Variants in MORC4 observed in about 807,000 individuals in gnomAD.
The protein encoded by MORC4 is MORC family CW-type zinc finger 4.
A neutral mutation model predicts 65.5 loss-of-function variants in MORC4; 22 were observed. That is an observed-to-expected ratio of 0.34 (90% CI 0.24 to 0.48). The LOEUF is 0.48. MORC4 is among the 20% of genes least tolerant of loss of function. MORC4 has a pLI of 0.99. For missense variants in MORC4, 624 were observed against 703.0 expected (o/e 0.89, Z 1.27); for synonymous variants, 267 against 255.8 (o/e 1.04, Z -0.42).
chrX:106,995,920 C>T (rs1276633638), intron 2 of MORC4, among the ~76,000 whole-genome samples: 1 of 112,543 alleles, frequency 8.9e-6, no homozygotes, highest in African/African-American at 3.2e-5. Flanking sequence ...GACACTCCTG[C>T]TGGCAGACAA....
At chrX:106,993,509 T>C in intron 2 of MORC4, 147 bp from the exon 3 acceptor site, 1 of 492,727 alleles carries the variant, frequency 2.0e-6, no homozygotes, top group South Asian at 5.6e-5. Flanking sequence ...TTAACGGTAG[T>C]GCACTTACTA....
chrX:106,973,930 C>T (rs374024952), intron 9 of MORC4, among the ~76,000 whole-genome samples: 4 of 111,998 alleles, frequency 3.6e-5, no homozygotes, highest in East Asian at 2.8e-4. Flanking sequence ...ACCTACAGCA[C>T]GCTACGACAG....
chrX:106,989,979 G>A (rs1602507944), intron 3 of MORC4, among the ~76,000 whole-genome samples: 1 of 106,852 alleles, frequency 9.4e-6, no homozygotes, highest in Middle Eastern at 5.1e-3. Context: ...CAAGGTCAAG[G>A]GATGGAGACC....
chrX:106,973,926 A>G (rs1021398331), intron 9 of MORC4, among the ~76,000 whole-genome samples: 2 of 112,227 alleles, frequency 1.8e-5, no homozygotes, highest in Non-Finnish European at 3.8e-5. Context: ...TCCAACCTAC[A>G]GCACGCTACG....
rs1023028619 is a variant in MORC4, at chrX:106,955,014, C to T, written c.1584G>A (p.Glu528=). The T allele has an allele frequency of 1.7e-6, 2 of 1,203,357 alleles. No homozygotes were observed. Among genetic ancestry groups the T allele is most frequent in the Non-Finnish European group, 2.2e-6 (2 of 889,902 alleles). The change falls in exon 14 of 17, where the codon GAG becomes GAA. Residue 528 remains glutamate, a synonymous_variant. Coordinates refer to ENST00000355610, the MANE Select transcript of MORC4 (RefSeq NM_024657.5). ...AGLNNKTIGY[E]GIHSPSVLPS... ...GAAGCACACTAGGGCTATGAATTCC[C>T]TCATATCCAATTGTCTTGTTATTCA...
chrX:106,950,761 C>T (rs1046299284), intron 14 of MORC4, among the ~76,000 whole-genome samples: 6 of 111,677 alleles, frequency 5.4e-5, no homozygotes, highest in Admixed American at 9.5e-5. Context: ...GCCTGCTCCT[C>T]CCAGGTAAAA....
intron 5 of MORC4, 21 bp downstream of exon 5, chrX:106,985,075 A>G (rs764507842): frequency 2.6e-6 from 3 of 1,132,492 alleles, no homozygotes; most frequent in Non-Finnish European, 3.5e-6. Flanking sequence ...ATTAGAATCT[A>G]TCACCCTTGG....
chrX:106,941,374 G>C lies in MORC4; in HGVS notation c.*105C>G. The C allele has an allele frequency of 1.3e-5, 1 of 79,020 alleles. No individual in the cohort carries two copies. The highest frequency in any genetic ancestry group is 1.9e-5 in the Non-Finnish European group (1 of 53,534). The allele number at this position is 79,020 out of a possible 1,213,427, so 6.5% of individuals were successfully genotyped here. A position where few individuals can be genotyped will look rare whatever the true frequency, so the allele number is the denominator to read the frequency against. On this transcript the variant is annotated 3_prime_UTR_variant, in exon 17 of 17. Transcript: ENST00000355610. The stretch of plus-strand genomic sequence containing the variant: ...ATATAAGGCATAAAGGTGAGGGTGA[G>C]AGAGAGAGAGAGAGAGAGAGAGAGA...
At chrX:106,994,582 T>C (rs771844612) in intron 2 of MORC4, among the ~76,000 whole-genome samples, 11 of 112,161 alleles carry the variant, frequency 9.8e-5, no homozygotes, top group Admixed American at 2.8e-4. Context: ...ATTAATGATA[T>C]CAGTTACAGC....
Position 106,983,432 on chromosome X carries a change from C to A in MORC4, c.674+1664G>T, listed in dbSNP as rs1045271558. On this transcript the variant is annotated intron_variant, in intron 5 of 16. Coordinates refer to ENST00000355610, the MANE Select transcript of MORC4 (RefSeq NM_024657.5). ...ATTTGTTTTACCCAGGTAAATGAGA[C>A]AAAATACTTCACCTAAGGAGAAAAG... 4.5e-5 allele frequency among the ~76,000 whole-genome samples: 5 copies of A among 111,651 alleles called. No individual in the cohort carries two copies. In the Admixed American group the frequency reaches 4.7e-4, roughly 11 times the overall value.
rs1313092831 is a variant in MORC4 at position 106,954,934 on chromosome X, G to A, written c.1664C>T (p.Ser555Phe). The change falls in exon 14 of 17, where the codon TCC becomes TTC. Residue 555 changes from serine to phenylalanine, a missense_variant. Coordinates refer to ENST00000355610, the MANE Select transcript of MORC4 (RefSeq NM_024657.5). ...SPSLQLKPLD[S>F]SVLQFSSKYK... is the part of the protein sequence containing the mutation. ...TCACCTGGAAAACTGTAAAACACTG[G>A]AATCCAGAGGCTTAAGTTGAAGAGA... is the stretch of plus-strand genomic sequence containing the variant. The A allele has an allele frequency of 2.5e-6, 3 of 1,209,707 alleles. No homozygotes were observed. Among genetic ancestry groups the A allele is most frequent in the Non-Finnish European group, 3.4e-6 (3 of 894,831 alleles).
intron 14 of MORC4, among the ~76,000 whole-genome samples, chrX:106,947,808 C>T (rs765615217): frequency 9.5e-6 from 1 of 105,547 alleles, no homozygotes; most frequent in East Asian, 3.1e-4. Flanking sequence ...GACCTAACTA[C>T]AGAGCCCCAG....
intron 14 of MORC4, among the ~76,000 whole-genome samples, chrX:106,953,497 G>A (rs1484535160): frequency 3.6e-5 from 4 of 111,401 alleles, no homozygotes; most frequent in Non-Finnish European, 7.5e-5. Flanking sequence ...GCATGGAAAC[G>A]GTGTAATTAG....
chrX:106,965,980 T>C (rs764715665), intron 9 of MORC4, among the ~76,000 whole-genome samples: 5 of 112,032 alleles, frequency 4.5e-5, no homozygotes, highest in Non-Finnish European at 9.4e-5. Flanking sequence ...AACTTGCAAA[T>C]GATGAAATTG....
At chrX:106,989,954 G>A (rs747185624) in intron 3 of MORC4, among the ~76,000 whole-genome samples, 2 of 107,754 alleles carry the variant, frequency 1.9e-5, no homozygotes, top group Non-Finnish European at 3.8e-5. Flanking sequence ...TTGGGAGCCC[G>A]AGGCAGGTGA....
At chrX:106,999,278 G>A (rs1935134001) in intron 2 of MORC4, among the ~76,000 whole-genome samples, 1 of 111,233 alleles carries the variant, frequency 9.0e-6, no homozygotes, top group African/African-American at 3.3e-5. Flanking sequence ...CCCAGGACCC[G>A]CCTCGGTCCT....
intron 14 of MORC4, among the ~76,000 whole-genome samples, chrX:106,948,483 T>C (rs183854219): frequency 7.1e-5 from 8 of 112,097 alleles, no homozygotes; most frequent in African/African-American, 2.6e-4. Flanking sequence ...AAATATTCTA[T>C]TGTTTTGTGC....
chrX:106,962,191 A>T, intron 9 of MORC4, 81 bp from the exon 10 acceptor site: 1 of 685,265 alleles, frequency 1.5e-6, no homozygotes, highest in Non-Finnish European at 2.3e-6. Context: ...CCCATTTAAC[A>T]GACACCAATA....
At chrX:106,986,427 C>T (rs750018192) in intron 3 of MORC4, among the ~76,000 whole-genome samples, 1 of 111,795 alleles carries the variant, frequency 8.9e-6, no homozygotes, top group Non-Finnish European at 1.9e-5. Context: ...TTTGTGTATA[C>T]ATAAATAGTT....
Sources: gnomAD v4.1 joint callset for allele counts (sites outside exome capture counted in the v4.1 genomes callset) on GRCh38, gnomAD v4.1.1 for gene constraint, MANE v1.5 for transcripts, NCBI Gene and HGNC (gene_info 2026-07-23, HGNC 2026-07-21) for gene names.